Variants in ZNF362 observed in about 807,000 individuals in gnomAD.
The protein encoded by ZNF362 is zinc finger protein 362, also known as rotund homolog.
Under a neutral mutation model 42.9 loss-of-function variants are expected in ZNF362, and 11 were observed. The observed-to-expected ratio is 0.26, with a 90% CI of 0.16 to 0.42. ZNF362 has a LOEUF of 0.42. Ranked by LOEUF, ZNF362 falls within the 20% of genes least tolerant of loss-of-function variation. The pLI is 1.00. For missense variants in ZNF362, 362 were observed against 576.2 expected (o/e 0.63, Z 3.81); for synonymous variants, 255 against 257.3 (o/e 0.99, Z 0.09).
At chr1:33,142,070 T>A in the ZNF362 span, 2 of 152,250 alleles carry the variant, frequency 1.3e-5, no homozygotes, top group African/African-American at 4.8e-5. Context: ...CGTGTCCTGA[T>A]GGGCAGTGAT....
At chr1:33,191,297 C>A in the ZNF362 span, among the ~76,000 whole-genome samples, 1 of 152,176 alleles carries the variant, frequency 6.6e-6, no homozygotes, top group Non-Finnish European at 1.5e-5. Context: ...ATCCCAGCTC[C>A]AAGTGTTCTT....
the ZNF362 span, among the ~76,000 whole-genome samples, chr1:33,215,397 A>G: frequency 6.6e-6 from 1 of 152,314 alleles, no homozygotes; most frequent in East Asian, 1.9e-4. Flanking sequence ...ATGGGCACAA[A>G]AATATACTTA....
the ZNF362 span, among the ~76,000 whole-genome samples, chr1:33,204,534 A>G: frequency 6.6e-6 from 1 of 152,160 alleles, no homozygotes; most frequent in Non-Finnish European, 1.5e-5. Flanking sequence ...TTTCATAGGG[A>G]TTGGAATAAA....
the ZNF362 span, chr1:33,181,011 G>C: frequency 1.9e-6 from 3 of 1,570,482 alleles, no homozygotes; most frequent in Non-Finnish European, 2.6e-6. The surrounding 1 kb of genome is among the most constrained non-coding windows in gnomAD (Gnocchi z 6.5). Context: ...CCCCAGGCAG[G>C]CCGGGTAGCG....
the ZNF362 span, among the ~76,000 whole-genome samples, chr1:33,152,322 T>C: frequency 6.6e-6 from 1 of 152,074 alleles, no homozygotes; most frequent in African/African-American, 2.4e-5. Context: ...TTCCAGCACT[T>C]TGGGAGGCCG....
chr1:33,198,908 G>A, the ZNF362 span, among the ~76,000 whole-genome samples: 1 of 152,170 alleles, frequency 6.6e-6, no homozygotes, highest in Admixed American at 6.5e-5. Context: ...TACTGGATGA[G>A]ATTAATGGCA....
In ZNF362 at chr1:33,281,206, G is replaced by A. The variant is rs1267524903; in HGVS notation, c.684-381G>A. Among the ~76,000 whole-genome samples the A allele has an allele frequency of 3.3e-5, 5 of 152,308 alleles. No homozygotes were observed. The highest frequency in any genetic ancestry group is 3.4e-3 in the Middle Eastern group (1 of 294). Reference sequence around the variant, plus strand: ...GGAAAGTATGGAGGGTGGGGCAGGCGTTGGTATTTCTTAGACGCTCCCCAG... The same window carrying A: ...GGAAAGTATGGAGGGTGGGGCAGGCATTGGTATTTCTTAGACGCTCCCCAG... On this transcript the variant is annotated intron_variant, in intron 5 of 8. Transcript: ENST00000539719. This position sits in a 1 kb window ranked among gnomAD's most constrained non-coding sequence, Gnocchi z 4.8.
At chr1:33,268,972 G>A (rs1007970620) in intron 1 of ZNF362, among the ~76,000 whole-genome samples, 2 of 152,210 alleles carry the variant, frequency 1.3e-5, no homozygotes, top group African/African-American at 4.8e-5. Context: ...GCTGAGGCCA[G>A]AGCTGAAGGG....
intron 1 of ZNF362, among the ~76,000 whole-genome samples, chr1:33,256,925 T>C (rs913894787): frequency 1.9e-4 from 29 of 151,048 alleles, no homozygotes; most frequent in Admixed American, 7.9e-4. Context: ...TGTGTGTGTG[T>C]GCGCGCGCGT....
chr1:33,143,136 C>T, the ZNF362 span: 2 of 152,152 alleles, frequency 1.3e-5, no homozygotes, highest in Non-Finnish European at 2.9e-5. Context: ...GCCTGACAAC[C>T]CCAGATTCTT....
chr1:33,236,335 T>G, the ZNF362 span, among the ~76,000 whole-genome samples: 1 of 149,648 alleles, frequency 6.7e-6, no homozygotes, highest in Non-Finnish European at 1.5e-5. Context: ...AGGCCAGGAG[T>G]TTGAGACCAG....
chr1:33,276,230 TG>T (rs1645945172), intron 3 of ZNF362, 67 bp downstream of exon 3: 1 of 1,603,776 alleles, frequency 6.2e-7, no homozygotes. Context: ...CCCTGGGTTT[TG>T]GCTGTGGCCT....
At chr1:33,147,441 G>A in the ZNF362 span, 2 of 1,614,064 alleles carry the variant, frequency 1.2e-6, no homozygotes, top group Non-Finnish European at 1.7e-6. The surrounding 1 kb of genome is among the most constrained non-coding windows in gnomAD (Gnocchi z 8.1). Context: ...GCATCACGAT[G>A]CAGTAGAAGC....
intron 6 of ZNF362, among the ~76,000 whole-genome samples, chr1:33,291,722 G>A (rs1399002852): frequency 6.6e-6 from 1 of 152,114 alleles, no homozygotes; most frequent in Non-Finnish European, 1.5e-5. Flanking sequence ...GCATTTGTTT[G>A]TATCCTCTTT....
chr1:33,208,870 A>G, the ZNF362 span, among the ~76,000 whole-genome samples: 1 of 152,246 alleles, frequency 6.6e-6, no homozygotes, highest in African/African-American at 2.4e-5. Context: ...ATCTGGAAAC[A>G]GAGACAATTT....
chr1:33,271,416 T>G (rs1645903296), intron 2 of ZNF362, among the ~76,000 whole-genome samples: 1 of 152,238 alleles, frequency 6.6e-6, no homozygotes, highest in African/African-American at 2.4e-5. Flanking sequence ...AAGTCCTCCC[T>G]GATCCTCTCC....
the ZNF362 span, among the ~76,000 whole-genome samples, chr1:33,140,600 T>G: frequency 2.6e-5 from 4 of 152,208 alleles, no homozygotes; most frequent in African/African-American, 9.7e-5. The surrounding 1 kb of genome is among the most constrained non-coding windows in gnomAD (Gnocchi z 4.0). Context: ...TCTAGTGCCA[T>G]GAAATCAGGG....
At chr1:33,216,616 A>G in the ZNF362 span, among the ~76,000 whole-genome samples, 15 of 150,922 alleles carry the variant, frequency 9.9e-5, 2 homozygotes, top group Admixed American at 7.2e-4. Flanking sequence ...AAAAAAAAAA[A>G]AAAGAAACAG....
chr1:33,177,051 GCA>G, the ZNF362 span, among the ~76,000 whole-genome samples: 44 of 12,862 alleles, frequency 3.4e-3, no homozygotes, highest in African/African-American at 0.014. This position sits in a 1 kb window ranked among gnomAD's most constrained non-coding sequence, Gnocchi z 4.1. Flanking sequence ...ACACACACAC[GCA>G]CACACACACA....
Sources: gnomAD v4.1 joint callset for allele counts (sites outside exome capture counted in the v4.1 genomes callset) on GRCh38, gnomAD v4.1.1 for gene constraint, Gnocchi (gnomAD v3.1) non-coding constraint, MANE v1.5 for transcripts, NCBI Gene and HGNC (gene_info 2026-07-23, HGNC 2026-07-21) for gene names.